RBFOX3: variants seen among roughly 807,000 people sequenced by gnomAD.
The protein encoded by RBFOX3 is RNA binding fox-1 homolog 3, also known as RNA binding protein fox-1 homolog 3.
Under a neutral mutation model 48.7 loss-of-function variants are expected in RBFOX3, and 17 were observed. The ratio of observed to expected loss-of-function variants is 0.35; its 90% CI spans 0.24 to 0.52. The LOEUF (loss-of-function observed/expected upper bound fraction) is 0.52, where lower values mean the gene tolerates loss of function less well. RBFOX3 is among the 20% of genes least tolerant of loss of function. The probability of loss-of-function intolerance (pLI) is 0.94; values close to 1 mark genes in which losing one functional copy is unlikely to be tolerated. For synonymous variants in RBFOX3, 212 were observed against 209.5 expected (o/e 1.01, Z -0.10); for missense variants, 382 against 497.5 (o/e 0.77, Z 2.21).
intron 4 of RBFOX3, among the ~76,000 whole-genome samples, chr17:79,182,259 C>T (rs1178063650): frequency 1.3e-5 from 2 of 152,208 alleles, no homozygotes; most frequent in Non-Finnish European, 2.9e-5. Flanking sequence ...CCAGCAGCCG[C>T]CCCCACCCCT....
intron 4 of RBFOX3, among the ~76,000 whole-genome samples, chr17:79,126,521 A>C (rs1599556446): frequency 6.6e-6 from 1 of 152,038 alleles, no homozygotes; most frequent in South Asian, 2.1e-4. Context: ...TGATGGCTGG[A>C]TCAGGTGACC....
chr17:79,415,158 C>T (rs951358002), intron 2 of RBFOX3, among the ~76,000 whole-genome samples: 1 of 152,202 alleles, frequency 6.6e-6, no homozygotes, highest in Admixed American at 6.5e-5. Flanking sequence ...TGCCCGGTGC[C>T]ACCTACGAGG....
the RBFOX3 span, among the ~76,000 whole-genome samples, chr17:79,629,065 C>T: frequency 1.3e-5 from 2 of 152,230 alleles, no homozygotes; most frequent in Non-Finnish European, 2.9e-5. Context: ...GGCTCTGGGG[C>T]AGGCAGAGGG....
chr17:79,333,024 G>T (rs9912478), intron 2 of RBFOX3, among the ~76,000 whole-genome samples: 19,792 of 151,042 alleles, frequency 0.13, 1,601 homozygotes, highest in African/African-American at 0.24. Context: ...GAGAGATGGG[G>T]TGGGGGAGAG....
intron 2 of RBFOX3, among the ~76,000 whole-genome samples, chr17:79,340,315 AAC>A (rs1188044669): frequency 6.6e-6 from 1 of 151,296 alleles, no homozygotes; most frequent in Admixed American, 6.6e-5. Flanking sequence ...AAAAACAAAA[AAC>A]AAAAACAAAA....
intron 4 of RBFOX3, among the ~76,000 whole-genome samples, chr17:79,231,154 G>A (rs1407470509): frequency 6.6e-6 from 1 of 152,180 alleles, no homozygotes; most frequent in Non-Finnish European, 1.5e-5. Flanking sequence ...GGGGAGCCAA[G>A]GTGGCTGGAG....
intron 4 of RBFOX3, among the ~76,000 whole-genome samples, chr17:79,172,422 G>A (rs1027438189): frequency 2.0e-5 from 3 of 152,200 alleles, no homozygotes; most frequent in Non-Finnish European, 4.4e-5. Flanking sequence ...GGAGGGGACC[G>A]GTCTGAGTCT....
chr17:79,431,146 C>A (rs1331032828), intron 2 of RBFOX3, among the ~76,000 whole-genome samples: 1 of 152,148 alleles, frequency 6.6e-6, no homozygotes, highest in Non-Finnish European at 1.5e-5. Flanking sequence ...ATCGGGGAAT[C>A]CAGGGCCCAG....
intron 4 of RBFOX3, among the ~76,000 whole-genome samples, chr17:79,218,632 C>T (rs900738475): frequency 6.6e-6 from 1 of 152,142 alleles, no homozygotes; most frequent in African/African-American, 2.4e-5. Flanking sequence ...GCTCCTAGGC[C>T]GGCTCACACA....
chr17:79,184,107 C>T (rs993801297), intron 4 of RBFOX3, among the ~76,000 whole-genome samples: 1 of 5,678 alleles, frequency 1.8e-4, no homozygotes, highest in Admixed American at 2.1e-3. Flanking sequence ...GCGGGGATGT[C>T]GGTGATGTAA....
chr17:79,195,648 C>G lies in RBFOX3; in HGVS notation c.-34+40118G>C, dbSNP rs1440975714. ...CTACCATTGCAGCTGTGCAGGCACA[C>G]AGTGTCTGCTGAGGCCAGTGGTGGG... On this transcript the variant is annotated intron_variant, in intron 4 of 14. Transcript: ENST00000693108. The surrounding 1 kb of genome is among the most constrained non-coding windows in gnomAD (Gnocchi z 5.3). Among the ~76,000 whole-genome samples the G allele has an allele frequency of 6.6e-6, 1 of 152,228 alleles. No homozygotes were observed. Among genetic ancestry groups the G allele is most frequent in the Non-Finnish European group, 1.5e-5 (1 of 68,040 alleles).
intron 2 of RBFOX3, among the ~76,000 whole-genome samples, chr17:79,470,998 T>C (rs2076992132): frequency 6.6e-6 from 1 of 150,742 alleles, no homozygotes; most frequent in Non-Finnish European, 1.5e-5. Flanking sequence ...GTTCTAGCTC[T>C]GTGATGCACC....
intron 1 of RBFOX3, among the ~76,000 whole-genome samples, chr17:79,540,483 C>G (rs2089522424): frequency 6.6e-6 from 1 of 152,246 alleles, no homozygotes; most frequent in African/African-American, 2.4e-5. Flanking sequence ...CTCAGCGTGT[C>G]AGGCAGGGCT....
chr17:79,558,500 C>G (rs1706814583), intron 1 of RBFOX3, among the ~76,000 whole-genome samples: 1 of 152,176 alleles, frequency 6.6e-6, no homozygotes, highest in African/African-American at 2.4e-5. Flanking sequence ...AGCAGAAACA[C>G]CAGGGCCCAC....
chr17:79,437,295 T>C (rs781965151), intron 2 of RBFOX3, among the ~76,000 whole-genome samples: 82 of 152,306 alleles, frequency 5.4e-4, no homozygotes, highest in Middle Eastern at 3.4e-3. Flanking sequence ...CATGCAAATA[T>C]TGTCCGTTCC....
chr17:79,537,463 G>A (rs979158157), intron 1 of RBFOX3, among the ~76,000 whole-genome samples: 38 of 152,278 alleles, frequency 2.5e-4, no homozygotes, highest in African/African-American at 8.9e-4. Context: ...GGGAGGTTAG[G>A]ATTTGGACCT....
intron 2 of RBFOX3, among the ~76,000 whole-genome samples, chr17:79,389,839 G>C (rs1356146350): frequency 1.3e-5 from 2 of 152,242 alleles, no homozygotes; most frequent in Non-Finnish European, 2.9e-5. Context: ...GACTGAGGGG[G>C]CCAGGGCCAT....
At chr17:79,133,547 G>A (rs1270381552) in intron 4 of RBFOX3, among the ~76,000 whole-genome samples, 3 of 152,182 alleles carry the variant, frequency 2.0e-5, no homozygotes, top group Non-Finnish European at 4.4e-5. Flanking sequence ...ACATCCTTGA[G>A]GTGTCCAAAT....
chr17:79,415,537 C>T (rs2148657356), intron 2 of RBFOX3, among the ~76,000 whole-genome samples: 1 of 152,296 alleles, frequency 6.6e-6, no homozygotes, highest in Non-Finnish European at 1.5e-5. Flanking sequence ...AAACTCCCTC[C>T]TCTGGTGGTG....
Sources: gnomAD v4.1 joint callset for allele counts (sites outside exome capture counted in the v4.1 genomes callset) on GRCh38, gnomAD v4.1.1 for gene constraint, Gnocchi (gnomAD v3.1) non-coding constraint, MANE v1.5 for transcripts, NCBI Gene and HGNC (gene_info 2026-07-23, HGNC 2026-07-21) for gene names.